ERICH1: variants seen among roughly 807,000 people sequenced by gnomAD.
ERICH1 encodes the protein glutamate rich 1.
Under a neutral mutation model 39.6 loss-of-function variants are expected in ERICH1, and 56 were observed. The ratio of observed to expected loss-of-function variants is 1.41; its 90% confidence interval spans 1.14 to 1.77. ERICH1 has a LOEUF of 1.77. ERICH1 is among the 40% of genes most tolerant of loss of function. The pLI is 0.00. For missense variants in ERICH1, 826 were observed against 575.4 expected (o/e 1.44, Z -4.45); for synonymous variants, 313 against 223.6 (o/e 1.40, Z -3.57).
intron 2 of ERICH1, among the ~76,000 whole-genome samples, chr8:711,120 C>G (rs1814632914): frequency 1.3e-5 from 2 of 152,198 alleles, no homozygotes. Flanking sequence ...TGTGAAACAT[C>G]TTTACATAGG....
At chr8:687,074 G>A (rs939702075) in intron 3 of ERICH1, among the ~76,000 whole-genome samples, 2 of 152,244 alleles carry the variant, frequency 1.3e-5, no homozygotes, top group Non-Finnish European at 2.9e-5. Flanking sequence ...ATGTACGGAT[G>A]TTTAACTCAA....
downstream of ERICH1, among the ~76,000 whole-genome samples, chr8:660,725 G>C (rs1801303377): frequency 6.6e-6 from 1 of 152,222 alleles, no homozygotes; most frequent in South Asian, 2.1e-4. Context: ...AAACTGGGAG[G>C]GAGCAAGAGA....
At chr8:623,180 T>G (rs369786868) in intron 3 of ERICH1, among the ~76,000 whole-genome samples, 2 of 152,160 alleles carry the variant, frequency 1.3e-5, no homozygotes, top group South Asian at 4.2e-4. Flanking sequence ...CTTAAAACAA[T>G]GCATAAATGG....
Position 673,981 on chromosome 8 carries a change from T to C in ERICH1, c.371A>G (p.Lys124Arg). 6.3e-7 allele frequency: 1 copy of C among 1,590,174 alleles called. No homozygotes were observed. Residue 124 changes from lysine to arginine, a missense_variant, in exon 4 of 6, where the codon AAA becomes AGA. Lys to Arg is a conservative substitution (Grantham distance 26). Transcript: ENST00000262109. ...IRKHKSKKKFKNPNNVLIEQA... is the reference protein window; with the variant it reads ...IRKHKSKKKFRNPNNVLIEQA... The stretch of plus-strand genomic sequence containing the variant: ...TTCTATAAGAACATTATTGGGATTT[T>C]TAAATTTTTTCTTTGATTTATGCTT...
chr8:705,171 C>T (rs943952465), intron 2 of ERICH1, among the ~76,000 whole-genome samples: 1 of 152,202 alleles, frequency 6.6e-6, no homozygotes, highest in Non-Finnish European at 1.5e-5. Context: ...TTGACCTAAC[C>T]GTACAAGAAC....
At chr8:615,296 G>C (rs776604503) in intron 3 of ERICH1, 5 of 676,782 alleles carry the variant, frequency 7.4e-6, no homozygotes, top group Non-Finnish European at 1.1e-5. Context: ...TGGAAAATCA[G>C]GTTAAGGGAG....
Position 673,813 on chromosome 8 carries a change from G to C in ERICH1, c.539C>G (p.Ala180Gly). The change falls in exon 4 of 6, where the codon GCA becomes GGA. Residue 180 changes from alanine (A) to glycine (G), a missense_variant. Physicochemically the swap from Ala to Gly is moderately conservative, Grantham distance 60 (BLOSUM62 0). Coordinates refer to ENST00000262109, the MANE Select transcript of ERICH1 (RefSeq NM_207332.3). ...QIKRKKAAGL[A>G]AKAAGVSFMY... Reference sequence around the variant, plus strand: ...GAAACTGACACCAGCAGCCTTTGCTGCCAAGCCGGCTGCTTTCTTCCTTTT... The same window carrying C: ...GAAACTGACACCAGCAGCCTTTGCTCCCAAGCCGGCTGCTTTCTTCCTTTT... 6.2e-7 allele frequency: 1 copy of C among 1,614,132 alleles called. No homozygotes were observed. Among genetic ancestry groups the C allele is most frequent in the Non-Finnish European group, 8.5e-7 (1 of 1,180,044 alleles).
rs372828460 is a variant in ERICH1 at position 727,952 on chromosome 8, G to A, written c.22+3188C>T. On this transcript the variant is annotated intron_variant, in intron 1 of 5. Transcript: ENST00000262109. ...TCCCACCACACACACAGCAGCAGGC[G>A]GTGAGGACAGGCCTCATGCAGGGAG... 2.9e-4 allele frequency among the ~76,000 whole-genome samples: 44 copies of A among 152,228 alleles called. 1 individual carries two copies. The East Asian group carries it at 4.5e-3, about 15-fold the overall frequency.
At chr8:665,521 C>A (rs559543120) in intron 5 of ERICH1, among the ~76,000 whole-genome samples, 1 of 152,304 alleles carries the variant, frequency 6.6e-6, no homozygotes, top group Non-Finnish European at 1.5e-5. Context: ...AGGCTCCATC[C>A]CGCCCAGGGG....
intron 2 of ERICH1, among the ~76,000 whole-genome samples, chr8:694,687 G>T (rs534142333): frequency 6.6e-6 from 1 of 152,308 alleles, no homozygotes; most frequent in East Asian, 1.9e-4. Flanking sequence ...GTGAATCACG[G>T]TGACCATGTA....
At chr8:624,404 T>C (rs1797477539) in intron 3 of ERICH1, among the ~76,000 whole-genome samples, 1 of 152,252 alleles carries the variant, frequency 6.6e-6, no homozygotes, top group Non-Finnish European at 1.5e-5. Context: ...CCTGCAGTTC[T>C]ACTCCTAGGC....
rs1299606566 is a variant in ERICH1, at chr8:658,989, C to A, written c.976+9609G>T. Among the ~76,000 whole-genome samples, 6 of 152,108 alleles carry A rather than the reference C, an allele frequency of 3.9e-5. 1 individual carries two copies. Among genetic ancestry groups the A allele is most frequent in the African/African-American group, 1.4e-4 (6 of 41,424 alleles). ...TCTCATCTTGGTAGGGTCCCCACAT[C>A]TCCGGTGTGCACTGAGCATCCTGGG... On this transcript the variant is annotated intron_variant, in intron 3 of 3. Coordinates refer to the ERICH1 transcript ENST00000522706.
chr8:629,901 A>G (rs1320204361), intron 3 of ERICH1, among the ~76,000 whole-genome samples: 8 of 130,240 alleles, frequency 6.1e-5, no homozygotes, highest in East Asian at 2.4e-4. Context: ...GCACCCACAC[A>G]GACAGAGCTG....
intron 5 of ERICH1, chr8:666,274 G>C (rs1802221263): frequency 6.6e-6 from 1 of 152,172 alleles, no homozygotes; most frequent in Non-Finnish European, 1.5e-5. Context: ...GTGAGAAACA[G>C]AGCAAAAATT....
chr8:640,227 A>T (rs1480958427), intron 3 of ERICH1, among the ~76,000 whole-genome samples: 1 of 152,228 alleles, frequency 6.6e-6, no homozygotes, highest in African/African-American at 2.4e-5. Context: ...AAAAGGCAGC[A>T]GATGCTCCTT....
chr8:630,233 CACAG>C (rs1351729251), intron 3 of ERICH1, among the ~76,000 whole-genome samples: 3 of 139,160 alleles, frequency 2.2e-5, no homozygotes, highest in Non-Finnish European at 4.6e-5. Context: ...TGACCACCCA[CACAG>C]ACAGAGCTGA....
chr8:618,765 A>G (rs1048697561), intron 3 of ERICH1, among the ~76,000 whole-genome samples: 4 of 152,262 alleles, frequency 2.6e-5, no homozygotes, highest in Non-Finnish European at 4.4e-5. Context: ...CTACCCTGCT[A>G]TGTGTAATCT....
chr8:665,467 C>G (rs1004130642), intron 5 of ERICH1, among the ~76,000 whole-genome samples: 2 of 152,210 alleles, frequency 1.3e-5, no homozygotes. Flanking sequence ...CCACAGAGAG[C>G]CAAGCCACAG....
At chr8:709,261 A>C (rs1814146201) in intron 2 of ERICH1, among the ~76,000 whole-genome samples, 1 of 152,196 alleles carries the variant, frequency 6.6e-6, no homozygotes, top group African/African-American at 2.4e-5. Flanking sequence ...TTGTCCAAGC[A>C]ACTGACCCAA....
Sources: gnomAD v4.1 joint callset for allele counts (sites outside exome capture counted in the v4.1 genomes callset) on GRCh38, gnomAD v4.1.1 for gene constraint, MANE v1.5 for transcripts, NCBI Gene and HGNC (gene_info 2026-07-23, HGNC 2026-07-21) for gene names.